NDEL1: variants seen among roughly 807,000 people sequenced by gnomAD.
The protein encoded by NDEL1 is nudE neurodevelopment protein 1 like 1, also known as nuclear distribution protein nudE-like 1.
Under a neutral mutation model 45.7 loss-of-function variants are expected in NDEL1, and 9 were observed. That is an observed-to-expected ratio of 0.20 (90% CI 0.12 to 0.34). The LOEUF (loss-of-function observed/expected upper bound fraction) is 0.34. Ranked by LOEUF, NDEL1 falls within the 10% of genes least tolerant of loss-of-function variation. The pLI, the probability that NDEL1 is intolerant of heterozygous loss-of-function variation, is 1.00. For missense variants in NDEL1, 306 were observed against 406.2 expected, an observed-to-expected ratio of 0.75 and a Z score of 2.12; for synonymous variants, 133 against 158.6, an observed-to-expected ratio of 0.84 and a Z score of 1.21.
rs552846350 is a variant in NDEL1 at position 8,414,534 on chromosome 17, T to G, written c.-13+1265T>G. Among the ~76,000 whole-genome samples, 217 of 152,142 alleles carry G rather than the reference T, an allele frequency of 1.4e-3. 1 individual carries two copies. The highest frequency in any genetic ancestry group is 0.014 in the South Asian group (66 of 4,814). On this transcript the variant is annotated intron_variant, in intron 1 of 4. Coordinates refer to the NDEL1 transcript ENST00000582812. ...TACAAAAAATTAGCCGGGCGTGGTG[T>G]TGGGCACCTGTAGTCCCAGCTACCC...
At chr17:8,435,106 G>T (rs1019538184), upstream of NDEL1, among the ~76,000 whole-genome samples, 1 of 150,130 alleles carries the variant, frequency 6.7e-6, no homozygotes, top group African/African-American at 2.4e-5. Context: ...CAAAAACCAA[G>T]ATGGATTGTA....
At chr17:8,436,383 G>T in intron 1 of NDEL1, 1 of 155,880 alleles carries the variant, frequency 6.4e-6, no homozygotes, top group Non-Finnish European at 1.4e-5. Context: ...GGCGCAAGGA[G>T]TGGCCCAGTC....
intron 2 of NDEL1, 136 bp from the exon 3 acceptor site, chr17:8,445,575 A>G: frequency 3.3e-6 from 3 of 901,226 alleles, no homozygotes; most frequent in Non-Finnish European, 4.8e-6. Context: ...AAGAGATGCA[A>G]AACAGATTGT....
At chr17:8,454,742 C>A (rs1910723896) in intron 6 of NDEL1, 54 bp from the exon 7 acceptor site, 3 of 1,405,088 alleles carry the variant, frequency 2.1e-6, no homozygotes, top group South Asian at 2.4e-5. Context: ...AACAACAAAA[C>A]CCAAATGTAA....
chr17:8,440,255 T>C (rs7225862), intron 1 of NDEL1, among the ~76,000 whole-genome samples: 146,916 of 152,242 alleles, frequency 0.97, 71,109 homozygotes, highest in East Asian at 1. Context: ...CGGTGGCTCA[T>C]GCCTGTAATC....
intron 6 of NDEL1, among the ~76,000 whole-genome samples, chr17:8,451,325 G>GT (rs200362343): frequency 1.1e-4 from 16 of 151,556 alleles, no homozygotes; most frequent in Non-Finnish European, 1.5e-4. Flanking sequence ...AACATTTTGA[G>GT]TTTTTTTTTC....
intron 5 of NDEL1, 106 bp from the exon 6 acceptor site, chr17:8,450,674 A>C (rs1300598064): frequency 2.0e-6 from 2 of 990,746 alleles, no homozygotes; most frequent in Non-Finnish European, 2.9e-6. Flanking sequence ...TTTTTGAGAA[A>C]TAGTAATTTA....
chr17:8,449,422 C>T (rs1910316282), intron 5 of NDEL1, among the ~76,000 whole-genome samples: 1 of 152,154 alleles, frequency 6.6e-6, no homozygotes, highest in Non-Finnish European at 1.5e-5. Context: ...AGCCACTGTG[C>T]CTGGCTTCTT....
chr17:8,432,345 TAA>T (rs1567722370), upstream of NDEL1, among the ~76,000 whole-genome samples: 11 of 5,320 alleles, frequency 2.1e-3, no homozygotes, highest in East Asian at 0.23. Flanking sequence ...ATATTATATA[TAA>T]ATATAAATAT....
chr17:8,414,389 C>T (rs1052077560), intron 1 of NDEL1, among the ~76,000 whole-genome samples: 2 of 152,134 alleles, frequency 1.3e-5, no homozygotes, highest in Non-Finnish European at 2.9e-5. Context: ...GTACCATGGC[C>T]GGGCGCGGTG....
chr17:8,435,922 A>T lies in NDEL1; in HGVS notation c.-136A>T, dbSNP rs759050616. ...TCGGGGAGGAGCCGGGCGCGGAGGT[A>T]CGCTGAGTGGAGCTCGGGGCTGCGT... is the stretch of plus-strand genomic sequence containing the variant. On this transcript the variant is annotated 5_prime_UTR_variant, in exon 1 of 9. Coordinates refer to ENST00000334527, the MANE Select transcript of NDEL1 (RefSeq NM_030808.5). The T allele has an allele frequency of 1.7e-4, 78 of 448,218 alleles. 1 individual carries two copies. Among genetic ancestry groups the T allele is most frequent in the African/African-American group, 1.5e-3 (74 of 48,584 alleles). The allele number at this position is 448,218 out of a possible 1,614,324, so 27.8% of individuals were successfully genotyped here. A position where few individuals can be genotyped will look rare whatever the true frequency, so the allele number is the denominator to read the frequency against.
At chr17:8,448,879 C>T (rs1910271086) in intron 5 of NDEL1, among the ~76,000 whole-genome samples, 193 bp downstream of exon 5, 1 of 152,032 alleles carries the variant, frequency 6.6e-6, no homozygotes, top group Non-Finnish European at 1.5e-5. Context: ...TCAGTATGCG[C>T]CAATTTTGGT....
intron 1 of NDEL1, among the ~76,000 whole-genome samples, chr17:8,441,315 GTAT>G (rs1669859412): frequency 6.6e-6 from 1 of 152,122 alleles, no homozygotes; most frequent in Admixed American, 6.5e-5. Flanking sequence ...AGGCTGAGAG[GTAT>G]TATCATCAAA....
Position 8,436,051 on chromosome 17 carries a change from C to T in NDEL1, c.-13+6C>T, listed in dbSNP as rs868048812. On this transcript the variant is annotated splice_donor_region_variant and intron_variant, in intron 1 of 8. Coordinates refer to ENST00000334527, the MANE Select transcript of NDEL1 (RefSeq NM_030808.5). ...GCGCTTTTGACACATTGGAGGTGAG[C>T]CTGCAGCGCGGGGCCGCTCCCTAAG... 1.4e-5 allele frequency: 6 copies of T among 435,894 alleles called. No homozygotes were observed. The highest frequency in any genetic ancestry group is 3.9e-4 in the Middle Eastern group (1 of 2,574). 27.0% of individuals were successfully genotyped at this position (435,894 alleles called of 1,614,324 possible). A position where few individuals can be genotyped will look rare whatever the true frequency, so the allele number is the denominator to read the frequency against.
intron 6 of NDEL1, among the ~76,000 whole-genome samples, chr17:8,452,013 AT>A (rs1480547096): frequency 3.3e-5 from 5 of 152,202 alleles, no homozygotes; most frequent in Non-Finnish European, 7.4e-5. Context: ...TGAGTAGGTA[AT>A]TCAACTTGTC....
rs371956305 is a variant in NDEL1 at position 8,450,732 on chromosome 17, T to A, written c.527-48T>A. 734 of 1,509,052 alleles carry A rather than the reference T, an allele frequency of 4.9e-4. 11 individuals are homozygous for A. The South Asian group carries it at 8.7e-3, about 18-fold the overall frequency. 93.5% of individuals were successfully genotyped at this position (1,509,052 alleles called of 1,614,324 possible). On this transcript the variant is annotated intron_variant, in intron 5 of 8. Coordinates refer to ENST00000334527, the MANE Select transcript of NDEL1 (RefSeq NM_030808.5). ...TTAGATGTCACTTTGCTTGATATAT[T>A]TGCTCCCTCTAGTGAGTATTCCTGC...
chr17:8,444,607 T>C lies in NDEL1; in HGVS notation c.86+250T>C, dbSNP rs938894346. 17 of 388,702 alleles carry C rather than the reference T, an allele frequency of 4.4e-5. No homozygotes were observed. In the Admixed American group the frequency reaches 4.4e-4, roughly 10 times the overall value. 24.1% of individuals were successfully genotyped at this position (388,702 alleles called of 1,614,324 possible). ...TTTATGATTTCTTCTGATTGTTACCTGTTCTATGCTTTTTAGTAGGCGGGG... is the reference window on the plus strand; with the variant it reads ...TTTATGATTTCTTCTGATTGTTACCCGTTCTATGCTTTTTAGTAGGCGGGG... On this transcript the variant is annotated intron_variant, in intron 2 of 8. Transcript: ENST00000334527.
chr17:8,460,172 AT>A lies in NDEL1; in HGVS notation c.944+13del. 1 of 1,603,352 alleles carries A rather than the reference AT, an allele frequency of 6.2e-7. No homozygotes were observed. The highest frequency in any genetic ancestry group is 8.5e-7 in the Non-Finnish European group (1 of 1,176,188). ...TTCTTCGACAAAGGGTAAGTCCTGA[AT>A]GTTTTAAGTGATAATTTTTTGAGTA... On this transcript the variant is annotated intron_variant, in intron 8 of 8. Coordinates refer to ENST00000334527, the MANE Select transcript of NDEL1 (RefSeq NM_030808.5).
downstream of NDEL1, among the ~76,000 whole-genome samples, chr17:8,472,883 CCTCCT>C: frequency 6.6e-6 from 1 of 152,154 alleles, no homozygotes; most frequent in African/African-American, 2.4e-5. Context: ...TGCCTGAGTT[CCTCCT>C]CACCGGGAAC....
Sources: allele counts gnomAD v4.1 joint callset (sites outside exome capture counted in the v4.1 genomes callset), GRCh38; gene constraint gnomAD v4.1.1; transcripts MANE v1.5; gene names NCBI Gene and HGNC (gene_info 2026-07-23, HGNC 2026-07-21).